The following CDH26 variants were observed in gnomAD, a reference collection of about 807,000 sequenced individuals.
CDH26 encodes the protein cadherin 26.
CDH26 carries 83 observed loss-of-function variants against 90.3 expected under a neutral mutation model. That is an observed-to-expected ratio of 0.92 (90% confidence interval 0.77 to 1.10). The LOEUF (loss-of-function observed/expected upper bound fraction) is 1.10, where lower values mean the gene tolerates loss of function less well. Ranked by LOEUF, CDH26 falls within the 50% of genes least tolerant of loss-of-function variation. The probability of loss-of-function intolerance (pLI) is 0.00; values close to 1 mark genes in which losing one functional copy is unlikely to be tolerated. For synonymous variants in CDH26, 397 were observed against 396.3 expected, an observed-to-expected ratio of 1.00 and a Z score of -0.02; for missense variants, 1,013 against 1,037.6, an observed-to-expected ratio of 0.98 and a Z score of 0.33.
intron 1 of CDH26, among the ~76,000 whole-genome samples, chr20:59,959,492 A>G (rs1225361438): frequency 6.6e-6 from 1 of 150,654 alleles, no homozygotes; most frequent in Non-Finnish European, 1.5e-5. Flanking sequence ...ACCTCCTCCT[A>G]CTGGGTTCAA....
intron 4 of CDH26, among the ~76,000 whole-genome samples, chr20:59,972,507 A>G (rs970067044): frequency 2.6e-5 from 4 of 152,228 alleles, no homozygotes. Context: ...GTTGCCCAAT[A>G]ACTGATGCAT....
At chr20:60,033,567 G>A (rs1014139596) in exon 9 of CDH26, 8 of 1,304,438 alleles carry the variant, frequency 6.1e-6, no homozygotes, top group African/African-American at 3.0e-5. Context: ...GGTGGGGTTC[G>A]AGTCCAGAGT....
At chr20:60,028,486 T>C (rs971983149) in intron 7 of CDH26, among the ~76,000 whole-genome samples, 4 of 152,158 alleles carry the variant, frequency 2.6e-5, no homozygotes, top group Non-Finnish European at 5.9e-5. Flanking sequence ...TAAAAAAGCA[T>C]TTACGTGCCA....
Position 60,001,343 on chromosome 20 carries a change from G to A in CDH26, c.2098G>A (p.Asp700Asn), listed in dbSNP as rs765658530. 9 of 1,613,950 alleles carry A rather than the reference G, an allele frequency of 5.6e-6. No homozygotes were observed. Among genetic ancestry groups the A allele is most frequent in the South Asian group, 5.5e-5 (5 of 91,074 alleles). ...AAAGPTQGVK[D>N]LEEVPPSAAS... is the part of the protein sequence containing the mutation. ...GAGTAAATCAGCATTTTCCCTCTAG[G>A]ATCTCGAGGAAGTGCCTCCATCTGC... The change falls in exon 15 of 18, where the codon GAT becomes AAT. Residue 700 changes from aspartate (D) to asparagine (N), a missense_variant and splice_region_variant. By Grantham distance (23) the Asp-to-Asn change is conservative (BLOSUM62 1). Coordinates refer to ENST00000348616, the MANE Select transcript of CDH26 (RefSeq NM_177980.4).
intron 15 of CDH26, among the ~76,000 whole-genome samples, chr20:60,002,007 G>A (rs1770836743): frequency 6.6e-6 from 1 of 152,176 alleles, no homozygotes; most frequent in South Asian, 2.1e-4. Flanking sequence ...AACACTGTGA[G>A]TACAGTTCTC....
intron 17 of CDH26, among the ~76,000 whole-genome samples, chr20:60,008,721 C>A (rs2061787502): frequency 6.6e-6 from 1 of 152,234 alleles, no homozygotes. Context: ...CCTCTGGTTC[C>A]TGTCACAGTC....
downstream of CDH26, among the ~76,000 whole-genome samples, chr20:60,015,838 A>G (rs192934548): frequency 6.6e-6 from 1 of 152,304 alleles, no homozygotes; most frequent in Non-Finnish European, 1.5e-5. Flanking sequence ...ATTCTTCTGC[A>G]TATAGATACC....
intron 1 of CDH26, among the ~76,000 whole-genome samples, chr20:59,967,310 G>A (rs1366436710): frequency 6.6e-6 from 1 of 152,158 alleles, no homozygotes; most frequent in African/African-American, 2.4e-5. Flanking sequence ...GCATCATTAT[G>A]TCATTCTCTA....
intron 7 of CDH26, among the ~76,000 whole-genome samples, chr20:60,026,958 A>C (rs911586906): frequency 3.3e-5 from 5 of 152,208 alleles, no homozygotes; most frequent in African/African-American, 1.2e-4. Flanking sequence ...TCACTGAGTG[A>C]ATGAGTGATA....
At chr20:59,993,913 G>T (rs2061559124) in intron 10 of CDH26, among the ~76,000 whole-genome samples, 1 of 152,018 alleles carries the variant, frequency 6.6e-6, no homozygotes, top group Admixed American at 6.5e-5. Context: ...GGACCCCCAT[G>T]GTGCCCTTCT....
At chr20:59,987,248 C>A (rs907381222) in intron 7 of CDH26, among the ~76,000 whole-genome samples, 1 of 152,180 alleles carries the variant, frequency 6.6e-6, no homozygotes, top group Admixed American at 6.5e-5. Context: ...AACGGATGCA[C>A]CTTCTGCTGT....
At position 59,989,008 on chromosome 20, in the gene CDH26, G is replaced by C. The variant is rs567212725; in HGVS notation, c.1128G>C (p.Lys376Asn). The change falls in exon 9 of 18, where the codon AAG (lysine) becomes AAC (asparagine). Residue 376 changes from lysine (K) to asparagine (N), a missense_variant. Coordinates refer to ENST00000348616, the MANE Select transcript of CDH26 (RefSeq NM_177980.4). The part of the protein sequence containing the change: ...CERGKLQPPR[K>N]AAASATVSVQ... ...GAGGAAAGCTTCAGCCGCCAAGGAA[G>C]GCAGCAGCCAGCGCCACTGTGAGTG... 13 of 1,614,202 alleles carry C rather than the reference G, an allele frequency of 8.1e-6. No individual in the cohort carries two copies. The East Asian group carries it at 2.7e-4, about 33-fold the overall frequency.
chr20:59,970,499 T>A lies in CDH26; in HGVS notation c.231+313T>A, dbSNP rs549934921. Among the ~76,000 whole-genome samples the A allele has an allele frequency of 3.6e-4, 55 of 151,630 alleles. No individual in the cohort carries two copies. In the East Asian group the frequency reaches 4.3e-3, roughly 12 times the overall value. On this transcript the variant is annotated intron_variant, in intron 3 of 17. Transcript: ENST00000348616. The stretch of plus-strand genomic sequence containing the variant: ...CCCATGCAGAGGCTTTTTTTTTTTT[T>A]AAATATTATTTAAAAACAGGGAGAT...
intron 4 of CDH26, among the ~76,000 whole-genome samples, chr20:59,982,381 T>G (rs539512083): frequency 6.6e-6 from 1 of 152,236 alleles, no homozygotes; most frequent in African/African-American, 2.4e-5. Context: ...TTTGAGACCA[T>G]TTGAAGTGAA....
At chr20:59,990,748 G>C (rs2061517740) in intron 9 of CDH26, among the ~76,000 whole-genome samples, 1 of 152,098 alleles carries the variant, frequency 6.6e-6, no homozygotes, top group African/African-American at 2.4e-5. Flanking sequence ...GGTGCACAGT[G>C]GTGCACCTTG....
downstream of CDH26, among the ~76,000 whole-genome samples, chr20:60,017,467 T>C (rs981414293): frequency 1.3e-5 from 2 of 152,070 alleles, no homozygotes; most frequent in Non-Finnish European, 2.9e-5. Flanking sequence ...CAATTTTTTG[T>C]TTCAATTTTA....
intron 7 of CDH26, among the ~76,000 whole-genome samples, chr20:60,026,432 A>AGG: frequency 1.6e-5 from 2 of 127,054 alleles, no homozygotes; most frequent in Middle Eastern, 9.4e-3. Context: ...GAGAGGGAGA[A>AGG]GAGGAGGCAG....
rs139139963 is a variant in CDH26 at position 59,994,709 on chromosome 20, G to C, written c.1666+220G>C. ...CTTTTTTAGGAAACTCTCCTCATCA[G>C]GGGGTAGGAGGCTGCTGGGAGTCCC... On this transcript the variant is annotated intron_variant, in intron 11 of 17. Coordinates refer to ENST00000348616, the MANE Select transcript of CDH26 (RefSeq NM_177980.4). Among the ~76,000 whole-genome samples the C allele has an allele frequency of 2.9e-3, 442 of 152,216 alleles. 4 individuals carry two copies. Among genetic ancestry groups the C allele is most frequent in the African/African-American group, 9.7e-3 (402 of 41,538 alleles).
chr20:59,980,087 A>G (rs1380469174), intron 4 of CDH26, among the ~76,000 whole-genome samples: 1 of 152,188 alleles, frequency 6.6e-6, no homozygotes, highest in Non-Finnish European at 1.5e-5. Context: ...AGAAACGTAT[A>G]AGAATTCTGA....
Sources: gnomAD v4.1 joint callset for allele counts (sites outside exome capture counted in the v4.1 genomes callset) on GRCh38, gnomAD v4.1.1 for gene constraint, MANE v1.5 for transcripts, NCBI Gene and HGNC (gene_info 2026-07-23, HGNC 2026-07-21) for gene names.